The following SEMA3A variants were observed in gnomAD, a reference collection of about 807,000 sequenced individuals.
SEMA3A encodes semaphorin-3A.
SEMA3A carries 29 observed loss-of-function variants against 97.9 expected under a neutral mutation model. That is an observed-to-expected ratio of 0.30 (90% CI 0.22 to 0.40). The LOEUF (loss-of-function observed/expected upper bound fraction) is 0.40. Ranked by LOEUF, SEMA3A falls within the 10% of genes least tolerant of loss-of-function variation. The pLI is 1.00. For synonymous variants in SEMA3A, 321 were observed against 323.7 expected (o/e 0.99, Z 0.09); for missense variants, 763 against 951.3 (o/e 0.80, Z 2.60).
At chr7:84,208,201 T>C (rs569907355) in intron 3 of SEMA3A, among the ~76,000 whole-genome samples, 34 of 152,150 alleles carry the variant, frequency 2.2e-4, no homozygotes, top group East Asian at 3.9e-4. Context: ...GACTGTAATC[T>C]CAGCACTTTG....
chr7:84,213,910 G>A (rs1798687417), intron 3 of SEMA3A, among the ~76,000 whole-genome samples: 1 of 152,140 alleles, frequency 6.6e-6, no homozygotes, highest in South Asian at 2.1e-4. Context: ...TTGGGCTATG[G>A]CCCTCAACAC....
chr7:84,211,406 T>C (rs1798621962), intron 3 of SEMA3A, among the ~76,000 whole-genome samples: 1 of 151,040 alleles, frequency 6.6e-6, no homozygotes, highest in Non-Finnish European at 1.5e-5. Flanking sequence ...AGGTCAGGAG[T>C]TCGAGACCAG....
intron 3 of SEMA3A, among the ~76,000 whole-genome samples, chr7:84,282,922 G>A (rs566881689): frequency 6.6e-6 from 1 of 152,156 alleles, no homozygotes; most frequent in African/African-American, 2.4e-5. Context: ...GCTGAGGCAG[G>A]AGAATCGCTT....
Position 84,008,599 on chromosome 7 carries a change from T to C in SEMA3A, c.996-1102A>G, listed in dbSNP as rs115460597. Among the ~76,000 whole-genome samples the C allele has an allele frequency of 3.1e-3, 472 of 151,796 alleles. 2 individuals carry two copies. The highest frequency in any genetic ancestry group is 0.011 in the African/African-American group (437 of 41,286). ...AAGATATTAAACAGTTCTGCACATT[T>C]AAAATATGGAATGCTTATCTTTTAA... On this transcript the variant is annotated intron_variant, in intron 9 of 16. Coordinates refer to ENST00000265362, the MANE Select transcript of SEMA3A (RefSeq NM_006080.3).
chr7:84,016,367 G>T (rs1036137642), intron 6 of SEMA3A, among the ~76,000 whole-genome samples: 1 of 151,914 alleles, frequency 6.6e-6, no homozygotes, highest in African/African-American at 2.4e-5. Flanking sequence ...GTGAAAGCCT[G>T]TCTCTACTAA....
chr7:84,232,173 T>A (rs1799130598), intron 3 of SEMA3A, among the ~76,000 whole-genome samples: 1 of 150,636 alleles, frequency 6.6e-6, no homozygotes, highest in South Asian at 2.1e-4. Context: ...CTTTAAGTTA[T>A]AAGGTATCAC....
At chr7:84,131,975 T>C (rs6957333) in intron 2 of SEMA3A, among the ~76,000 whole-genome samples, 60,014 of 151,778 alleles carry the variant, frequency 0.4, 13,775 homozygotes, top group Admixed American at 0.51. Context: ...TTTTATTTAT[T>C]TATTTATGTA....
rs61623414 is a variant in SEMA3A at position 84,473,141 on chromosome 7, GGT to G, written c.-246+19317_-246+19318del. Among the ~76,000 whole-genome samples, 613 of 141,302 alleles carry G rather than the reference GGT, an allele frequency of 4.3e-3. 2 individuals are homozygous for G. The highest frequency in any genetic ancestry group is 0.011 in the African/African-American group (423 of 38,392). The allele number at this position is 141,302 out of a possible 152,430, so 92.7% of individuals were successfully genotyped here. ...TTGGGCTTAATGGGAAAAAAGAAAT[GGT>G]GTGTGTGTGTGTGTGTGTGTGTGTG... On this transcript the variant is annotated intron_variant, in intron 1 of 3. Transcript: ENST00000424555.
At chr7:84,358,842 A>C (rs1802638780) in intron 2 of SEMA3A, among the ~76,000 whole-genome samples, 1 of 152,148 alleles carries the variant, frequency 6.6e-6, no homozygotes, top group Non-Finnish European at 1.5e-5. Context: ...CTCCTTGAAG[A>C]GGTCCTTCAT....
At chr7:84,293,807 T>C (rs1480598427) in intron 3 of SEMA3A, among the ~76,000 whole-genome samples, 2 of 152,078 alleles carry the variant, frequency 1.3e-5, no homozygotes, top group Admixed American at 1.3e-4. Flanking sequence ...GTATATGAAC[T>C]TCATTTCTTA....
chr7:84,211,186 G>A (rs947901392), intron 3 of SEMA3A, among the ~76,000 whole-genome samples: 1 of 152,184 alleles, frequency 6.6e-6, no homozygotes, highest in African/African-American at 2.4e-5. Context: ...GTCTATACCA[G>A]AGATGACTAA....
chr7:84,065,289 T>C (rs1273204650), intron 4 of SEMA3A, among the ~76,000 whole-genome samples: 1 of 119,314 alleles, frequency 8.4e-6, no homozygotes, highest in African/African-American at 3.4e-5. Context: ...GGGAAATTTA[T>C]AGCACTAAAT....
At chr7:84,026,107 CA>C (rs1038145134) in intron 6 of SEMA3A, among the ~76,000 whole-genome samples, 1 of 152,130 alleles carries the variant, frequency 6.6e-6, no homozygotes, top group African/African-American at 2.4e-5. Context: ...TAGTTTTCCT[CA>C]AAAAGGCAAA....
chr7:84,150,341 A>G (rs1164964616), intron 1 of SEMA3A, among the ~76,000 whole-genome samples: 1 of 152,110 alleles, frequency 6.6e-6, no homozygotes, highest in Admixed American at 6.5e-5. Flanking sequence ...GGTTCATCTC[A>G]CTGGGGAGTG....
chr7:84,471,288 T>C (rs1022060488), intron 1 of SEMA3A, among the ~76,000 whole-genome samples: 1 of 152,066 alleles, frequency 6.6e-6, no homozygotes. Flanking sequence ...GCAATCAGAG[T>C]GACTGCTTAA....
At chr7:84,485,926 C>A (rs1015810335) in intron 1 of SEMA3A, among the ~76,000 whole-genome samples, 1 of 152,060 alleles carries the variant, frequency 6.6e-6, no homozygotes, top group Non-Finnish European at 1.5e-5. Flanking sequence ...AGTCTTTCAT[C>A]AAGTTTACAA....
chr7:84,064,271 A>C (rs372510547), intron 4 of SEMA3A, among the ~76,000 whole-genome samples: 2 of 152,120 alleles, frequency 1.3e-5, no homozygotes, highest in African/African-American at 4.8e-5. Context: ...TGAAGGAAGC[A>C]CTAAACATGG....
chr7:84,176,992 G>T (rs1797588179), intron 1 of SEMA3A, among the ~76,000 whole-genome samples: 1 of 152,078 alleles, frequency 6.6e-6, no homozygotes, highest in African/African-American at 2.4e-5. Flanking sequence ...TTGCTTGGCA[G>T]TATTTTTGGA....
intron 4 of SEMA3A, among the ~76,000 whole-genome samples, chr7:84,106,807 A>T (rs1795122535): frequency 6.6e-6 from 1 of 152,170 alleles, no homozygotes; most frequent in African/African-American, 2.4e-5. Flanking sequence ...AGAATGTAAG[A>T]TGATTAGTTG....
Sources: allele counts gnomAD v4.1 joint callset (sites outside exome capture counted in the v4.1 genomes callset), GRCh38; gene constraint gnomAD v4.1.1; transcripts MANE v1.5; gene names NCBI Gene and HGNC (gene_info 2026-07-23, HGNC 2026-07-21).